Variants in CDH18 observed in about 807,000 individuals in gnomAD.
CDH18 encodes cadherin-18.
In CDH18, 31 loss-of-function variants were observed where a neutral mutation model predicts 67.9. The ratio of observed to expected loss-of-function variants is 0.46; its 90% CI spans 0.34 to 0.62. CDH18 has a LOEUF of 0.62. CDH18 is among the 20% of genes least tolerant of loss of function. The pLI is 0.01. For synonymous variants in CDH18, 362 were observed against 347.2 expected, an observed-to-expected ratio of 1.04 and a Z score of -0.48; for missense variants, 890 against 975.5, an observed-to-expected ratio of 0.91 and a Z score of 1.17.
chr5:20,368,551 GA>G (rs1562008535), intron 1 of CDH18, among the ~76,000 whole-genome samples: 1 of 152,106 alleles, frequency 6.6e-6, no homozygotes, highest in Non-Finnish European at 1.5e-5. Flanking sequence ...ATTTTTTGAG[GA>G]GAGTGAATTT....
At chr5:20,479,523 G>A (rs1436755415) in intron 1 of CDH18, among the ~76,000 whole-genome samples, 2 of 151,952 alleles carry the variant, frequency 1.3e-5, no homozygotes, top group African/African-American at 2.4e-5. Context: ...TGATCAAGCA[G>A]AAGAATCAGT....
chr5:19,845,130 G>A (rs529191988), intron 2 of CDH18, among the ~76,000 whole-genome samples: 2 of 151,772 alleles, frequency 1.3e-5, no homozygotes, highest in Admixed American at 1.3e-4. Flanking sequence ...AATTATAGTT[G>A]TTAAGATAGT....
At chr5:20,024,049 T>C (rs190601399) in intron 2 of CDH18, among the ~76,000 whole-genome samples, 112 of 152,270 alleles carry the variant, frequency 7.4e-4, no homozygotes, top group African/African-American at 2.6e-3. Flanking sequence ...TTGGAGTGAG[T>C]GTTAAACAAA....
intron 2 of CDH18, among the ~76,000 whole-genome samples, chr5:20,107,010 T>C (rs542503443): frequency 6.7e-6 from 1 of 150,242 alleles, no homozygotes; most frequent in African/African-American, 2.5e-5. Flanking sequence ...GTTAATAAAA[T>C]GGGTCTTTGT....
rs145588212 is a variant in CDH18 at position 20,471,447 on chromosome 5, C to A, written c.-580+104015G>T. 2.2e-3 allele frequency among the ~76,000 whole-genome samples: 336 copies of A among 152,238 alleles called. 1 individual carries two copies. The highest frequency in any genetic ancestry group is 7.9e-3 in the African/African-American group (329 of 41,540). On this transcript the variant is annotated intron_variant, in intron 1 of 14. Transcript: ENST00000507958. ...ATACAAATCAGATTAGGTTACTTTT[C>A]TGCTCACATTCCACATTGGTTTCCC...
chr5:19,822,209 T>C (rs1228480095), intron 3 of CDH18, among the ~76,000 whole-genome samples: 2 of 152,158 alleles, frequency 1.3e-5, no homozygotes, highest in Non-Finnish European at 2.9e-5. Flanking sequence ...CCATCCATCT[T>C]TTGGCTTCAA....
chr5:19,610,059 T>C (rs1748694080), intron 6 of CDH18, among the ~76,000 whole-genome samples: 1 of 152,122 alleles, frequency 6.6e-6, no homozygotes, highest in Non-Finnish European at 1.5e-5. Context: ...CAGAATTGTT[T>C]TGTTCAAATG....
At chr5:19,548,788 T>G (rs1191808347) in intron 8 of CDH18, among the ~76,000 whole-genome samples, 1 of 151,572 alleles carries the variant, frequency 6.6e-6, no homozygotes, top group East Asian at 1.9e-4. Context: ...GTCGCTCTTG[T>G]TGCCCAGGCT....
chr5:20,003,764 G>A (rs1332584020), intron 2 of CDH18, among the ~76,000 whole-genome samples: 1 of 152,064 alleles, frequency 6.6e-6, no homozygotes, highest in Non-Finnish European at 1.5e-5. Flanking sequence ...CGGGCGTGGT[G>A]GCGGGCGCCT....
intron 3 of CDH18, among the ~76,000 whole-genome samples, chr5:19,755,331 A>G (rs1771394878): frequency 6.7e-6 from 1 of 148,494 alleles, no homozygotes; most frequent in Non-Finnish European, 1.5e-5. Flanking sequence ...GTAAGAAATG[A>G]AATGGGAGAT....
At chr5:20,510,162 A>G (rs1343352272) in intron 1 of CDH18, among the ~76,000 whole-genome samples, 2 of 151,936 alleles carry the variant, frequency 1.3e-5, no homozygotes, top group Admixed American at 6.6e-5. Context: ...ATTTTTTTTC[A>G]TAGGCCTATT....
chr5:19,486,623 C>A (rs1579733852), intron 11 of CDH18, among the ~76,000 whole-genome samples: 1 of 152,022 alleles, frequency 6.6e-6, no homozygotes, highest in African/African-American at 2.4e-5. Context: ...GAAACCCCGT[C>A]TCTACTAAAA....
At chr5:20,063,745 A>C (rs983469263) in intron 2 of CDH18, among the ~76,000 whole-genome samples, 1 of 152,168 alleles carries the variant, frequency 6.6e-6, no homozygotes, top group African/African-American at 2.4e-5. Context: ...TTTCAACAAG[A>C]CCTAGACATT....
At chr5:20,443,375 C>T (rs56004991) in intron 1 of CDH18, among the ~76,000 whole-genome samples, 37,175 of 151,456 alleles carry the variant, frequency 0.25, 4,965 homozygotes, top group East Asian at 0.3. Flanking sequence ...TTTAACAGTG[C>T]ACAATTATTA....
chr5:19,939,174 G>T (rs994250481), intron 2 of CDH18, among the ~76,000 whole-genome samples: 1 of 151,076 alleles, frequency 6.6e-6, no homozygotes, highest in Non-Finnish European at 1.5e-5. Context: ...TTACCAATGA[G>T]GATCAAAACA....
At chr5:19,784,560 C>A (rs1471192576) in intron 3 of CDH18, among the ~76,000 whole-genome samples, 2 of 152,074 alleles carry the variant, frequency 1.3e-5, no homozygotes, top group Non-Finnish European at 2.9e-5. Context: ...ATTTTTTATG[C>A]ATTCATTCTT....
intron 5 of CDH18, among the ~76,000 whole-genome samples, chr5:19,706,445 C>T (rs1306943056): frequency 6.6e-6 from 1 of 152,244 alleles, no homozygotes; most frequent in Non-Finnish European, 1.5e-5. Flanking sequence ...CAACTTGCCA[C>T]ATGGTGCATT....
intron 12 of CDH18, among the ~76,000 whole-genome samples, chr5:19,474,544 G>A (rs1738119588): frequency 6.6e-6 from 1 of 151,932 alleles, no homozygotes; most frequent in African/African-American, 2.4e-5. Flanking sequence ...TTCCAATAAT[G>A]GAACACTAGG....
chr5:20,471,853 C>CAAAAAAAAAAAAAAA (rs1554005562), intron 1 of CDH18, among the ~76,000 whole-genome samples: 3 of 56,520 alleles, frequency 5.3e-5, no homozygotes, highest in African/African-American at 1.1e-4. Flanking sequence ...AAAAAAAAAG[C>CAAAAAAAAAAAAAAA]AAAAGCATTG....
Sources: allele counts gnomAD v4.1 joint callset (sites outside exome capture counted in the v4.1 genomes callset), GRCh38; gene constraint gnomAD v4.1.1; transcripts MANE v1.5; gene names NCBI Gene and HGNC (gene_info 2026-07-23, HGNC 2026-07-21).